SPAG16: variants seen among roughly 807,000 people sequenced by gnomAD.
The protein encoded by SPAG16 is sperm associated antigen 16.
Under a neutral mutation model 80.4 loss-of-function variants are expected in SPAG16, and 86 were observed. The observed-to-expected ratio is 1.07, with a 90% CI of 0.90 to 1.28. The LOEUF (loss-of-function observed/expected upper bound fraction) is 1.28, where lower values mean the gene tolerates loss of function less well. Among genes scored for constraint, SPAG16 ranks in the 50% most tolerant of loss-of-function variants. The pLI, the probability that SPAG16 is intolerant of heterozygous loss-of-function variation, is 0.00. For missense variants in SPAG16, 870 were observed against 765.3 expected, an observed-to-expected ratio of 1.14 and a Z score of -1.61; for synonymous variants, 294 against 265.9, an observed-to-expected ratio of 1.11 and a Z score of -1.03.
chr2:213,737,493 C>T (rs1348966436), intron 10 of SPAG16, among the ~76,000 whole-genome samples: 6 of 142,242 alleles, frequency 4.2e-5, no homozygotes, highest in Non-Finnish European at 4.5e-5. Context: ...TTTTTCTTTT[C>T]TTTTTTTTTT....
chr2:214,358,310 G>A (rs1385872092), intron 15 of SPAG16, among the ~76,000 whole-genome samples: 3 of 151,770 alleles, frequency 2.0e-5, no homozygotes, highest in Admixed American at 6.6e-5. Flanking sequence ...TAAAGTACAC[G>A]GTTTTCTAGG....
At chr2:213,775,227 C>T (rs964975030) in intron 10 of SPAG16, among the ~76,000 whole-genome samples, 17 of 152,072 alleles carry the variant, frequency 1.1e-4, no homozygotes, top group African/African-American at 3.9e-4. Flanking sequence ...CTTTGCTGGG[C>T]TTTATAAATC....
intron 10 of SPAG16, among the ~76,000 whole-genome samples, chr2:213,590,582 A>T (rs931525719): frequency 2.6e-5 from 4 of 152,216 alleles, no homozygotes; most frequent in African/African-American, 9.6e-5. Context: ...GAAAGATGCT[A>T]ATCAGAGTCA....
intron 12 of SPAG16, among the ~76,000 whole-genome samples, chr2:213,960,804 A>G (rs899814947): frequency 6.6e-6 from 1 of 152,222 alleles, no homozygotes; most frequent in African/African-American, 2.4e-5. Flanking sequence ...GGCCTTTTAA[A>G]TGCCCTAGAA....
At chr2:213,681,025 C>G (rs6755585) in intron 10 of SPAG16, among the ~76,000 whole-genome samples, 52,340 of 151,998 alleles carry the variant, frequency 0.34, 9,280 homozygotes, top group Middle Eastern at 0.44. Context: ...AGAGGAATCT[C>G]TCAGATAGCT....
intron 15 of SPAG16, among the ~76,000 whole-genome samples, chr2:214,179,587 T>A (rs185198156): frequency 6.6e-6 from 1 of 151,406 alleles, no homozygotes; most frequent in Non-Finnish European, 1.5e-5. Context: ...GGTTGCTTTT[T>A]AGAGAATCAG....
intron 10 of SPAG16, among the ~76,000 whole-genome samples, chr2:213,765,090 G>A (rs560618901): frequency 1.2e-3 from 182 of 152,302 alleles, no homozygotes; most frequent in African/African-American, 4.0e-3. Context: ...AACAGAGGCC[G>A]GGCACGATGG....
intron 6 of SPAG16, among the ~76,000 whole-genome samples, chr2:213,349,475 A>G (rs1173195713): frequency 6.6e-6 from 1 of 152,286 alleles, no homozygotes; most frequent in Non-Finnish European, 1.5e-5. Context: ...AATGTAGGGT[A>G]CCCAGGACTG....
intron 10 of SPAG16, among the ~76,000 whole-genome samples, chr2:213,633,888 T>A (rs2062255328): frequency 6.6e-6 from 1 of 152,158 alleles, no homozygotes; most frequent in South Asian, 2.1e-4. Flanking sequence ...TCTTTTTTTA[T>A]CCCTTTATTT....
At chr2:213,609,016 A>T (rs2061357959) in intron 10 of SPAG16, among the ~76,000 whole-genome samples, 1 of 152,252 alleles carries the variant, frequency 6.6e-6, no homozygotes, top group Admixed American at 6.5e-5. Flanking sequence ...AAGCAATAAA[A>T]ATAAAAGAAA....
chr2:214,118,607 C>T lies in SPAG16; in HGVS notation c.1593+10346C>T, dbSNP rs375853003. 4.6e-5 allele frequency among the ~76,000 whole-genome samples: 7 copies of T among 152,198 alleles called. No individual in the cohort carries two copies. In the East Asian group the frequency reaches 7.7e-4, roughly 17 times the overall value. ...AAAGGGGGAAAAGCCCCTTGTAAAA[C>T]CTTCAGATCTCTTGAGAACTCACAC... is the stretch of plus-strand genomic sequence containing the variant. On this transcript the variant is annotated intron_variant, in intron 14 of 15. Transcript: ENST00000331683.
intron 9 of SPAG16, among the ~76,000 whole-genome samples, chr2:213,395,850 T>C (rs1246930790): frequency 6.6e-6 from 1 of 152,242 alleles, no homozygotes; most frequent in African/African-American, 2.4e-5. Context: ...TTTTAAATAT[T>C]TAATTTCCTT....
At chr2:214,384,285 T>C (rs115578837) in intron 15 of SPAG16, among the ~76,000 whole-genome samples, 1,860 of 152,356 alleles carry the variant, frequency 0.012, 13 homozygotes, top group Non-Finnish European at 0.018. Flanking sequence ...ATTTTTGTTT[T>C]ATAAGTGGAA....
chr2:213,953,576 TAA>T (rs1559624763), intron 12 of SPAG16, among the ~76,000 whole-genome samples: 1 of 151,622 alleles, frequency 6.6e-6, no homozygotes, highest in Non-Finnish European at 1.5e-5. Flanking sequence ...TGGAAATTTT[TAA>T]AAAATGAAAT....
intron 10 of SPAG16, among the ~76,000 whole-genome samples, chr2:213,709,761 G>C (rs2065905219): frequency 6.6e-6 from 1 of 152,114 alleles, no homozygotes; most frequent in African/African-American, 2.4e-5. Context: ...TAAAGAGATA[G>C]AGTGGTGACA....
chr2:214,086,937 A>AT (rs1278033709), intron 13 of SPAG16, among the ~76,000 whole-genome samples: 2 of 152,220 alleles, frequency 1.3e-5, no homozygotes, highest in East Asian at 3.9e-4. Flanking sequence ...ATTTTGTTCT[A>AT]TTTTTTACTG....
intron 4 of SPAG16, among the ~76,000 whole-genome samples, chr2:213,316,108 T>C (rs965596459): frequency 6.6e-6 from 1 of 152,028 alleles, no homozygotes; most frequent in East Asian, 1.9e-4. Context: ...TCAACGTTTG[T>C]CTTCACTTAA....
intron 12 of SPAG16, among the ~76,000 whole-genome samples, chr2:213,979,546 G>A (rs1055679856): frequency 3.3e-5 from 5 of 152,066 alleles, no homozygotes; most frequent in African/African-American, 9.7e-5. Context: ...AGGATGGAGT[G>A]AGTGCAAGCA....
At chr2:213,935,982 A>G (rs1280827029) in intron 12 of SPAG16, among the ~76,000 whole-genome samples, 3 of 152,128 alleles carry the variant, frequency 2.0e-5, no homozygotes, top group African/African-American at 7.2e-5. Flanking sequence ...TTTAGAGATG[A>G]CAAATTTTGT....
Sources: gnomAD v4.1 joint callset for allele counts (sites outside exome capture counted in the v4.1 genomes callset) on GRCh38, gnomAD v4.1.1 for gene constraint, MANE v1.5 for transcripts, NCBI Gene and HGNC (gene_info 2026-07-23, HGNC 2026-07-21) for gene names.